The following ADAMTS18 variants were observed in gnomAD, a reference collection of about 807,000 sequenced individuals.
ADAMTS18 encodes A disintegrin and metalloproteinase with thrombospondin motifs 18.
In ADAMTS18, 157 loss-of-function variants were observed where a neutral mutation model predicts 165.9. That is an observed-to-expected ratio of 0.95 (90% CI 0.83 to 1.08). The LOEUF (loss-of-function observed/expected upper bound fraction) is 1.08. ADAMTS18 is among the 50% of genes least tolerant of loss of function. The probability of loss-of-function intolerance (pLI) is 0.00; values close to 1 mark genes in which losing one functional copy is unlikely to be tolerated. For missense variants in ADAMTS18, 2,040 were observed against 1,534.0 expected, an observed-to-expected ratio of 1.33 and a Z score of -5.51; for synonymous variants, 782 against 578.2, an observed-to-expected ratio of 1.35 and a Z score of -5.06.
At chr16:77,423,551 G>C (rs1042269184) in intron 3 of ADAMTS18, among the ~76,000 whole-genome samples, 1 of 151,870 alleles carries the variant, frequency 6.6e-6, no homozygotes, top group African/African-American at 2.4e-5. Context: ...CATTATCCTC[G>C]ACTTATCAAT....
intron 16 of ADAMTS18, among the ~76,000 whole-genome samples, chr16:77,315,166 T>A (rs777835457): frequency 4.7e-4 from 72 of 151,996 alleles, no homozygotes; most frequent in Admixed American, 7.9e-4. Context: ...TAAAAAAAAA[T>A]TTCTGTATCA....
intron 3 of ADAMTS18, among the ~76,000 whole-genome samples, chr16:77,382,961 T>C (rs13338254): frequency 0.32 from 48,095 of 152,152 alleles, 8,059 homozygotes; most frequent in East Asian, 0.58. Flanking sequence ...TGTGCTTTAA[T>C]GTGAATTTTG....
At chr16:77,393,282 A>C (rs2057213965) in intron 3 of ADAMTS18, among the ~76,000 whole-genome samples, 1 of 152,172 alleles carries the variant, frequency 6.6e-6, no homozygotes, top group African/African-American at 2.4e-5. Context: ...CATAGCCCTA[A>C]TACTGTGGTC....
At chr16:77,395,352 C>G (rs1450613667) in intron 3 of ADAMTS18, among the ~76,000 whole-genome samples, 1 of 152,166 alleles carries the variant, frequency 6.6e-6, no homozygotes, top group African/African-American at 2.4e-5. Flanking sequence ...ACTTGGCTTT[C>G]TACTCTGTGT....
intron 12 of ADAMTS18, among the ~76,000 whole-genome samples, chr16:77,327,203 T>A (rs1212466587): frequency 6.6e-6 from 1 of 152,174 alleles, no homozygotes; most frequent in African/African-American, 2.4e-5. Context: ...TAATTTTTGA[T>A]TTTTTTATTT....
At chr16:77,374,099 A>G (rs2056915975) in intron 3 of ADAMTS18, among the ~76,000 whole-genome samples, 1 of 151,630 alleles carries the variant, frequency 6.6e-6, no homozygotes, top group South Asian at 2.1e-4. Context: ...GGCACCTGTA[A>G]TCCCAGCTAC....
chr16:77,332,121 A>T (rs1414475361), intron 12 of ADAMTS18, among the ~76,000 whole-genome samples: 1 of 152,164 alleles, frequency 6.6e-6, no homozygotes, highest in African/African-American at 2.4e-5. Context: ...CAGGAAGACT[A>T]AGTTGTCTGT....
rs759218273 is a variant in ADAMTS18 at position 77,325,967 on chromosome 16, T to C, written c.1931A>G (p.Asn644Ser). The C allele has an allele frequency of 1.2e-6, 2 of 1,614,068 alleles. No homozygotes were observed. Among genetic ancestry groups the C allele is most frequent in the Non-Finnish European group, 1.7e-6 (2 of 1,179,944 alleles). Residue 644 changes from asparagine (N) to serine (S), a missense_variant, in exon 13 of 23, where the codon AAT becomes AGT. Transcript: ENST00000282849. ...IYQLCNINPC[N>S]ENSLDFRAQQ... is the part of the protein sequence containing the mutation. ...AGCCCGAAAATCCAAGCTATTTTCA[T>C]TGCAAGGGTTAATATTGCACAGCTG...
chr16:77,378,616 G>T (rs1330852807), intron 3 of ADAMTS18, among the ~76,000 whole-genome samples: 3 of 152,096 alleles, frequency 2.0e-5, no homozygotes, highest in Non-Finnish European at 1.5e-5. Flanking sequence ...TTGGGAGGTT[G>T]AGGCACAAGA....
chr16:77,429,998 G>A (rs558307012), intron 3 of ADAMTS18, among the ~76,000 whole-genome samples: 1 of 152,138 alleles, frequency 6.6e-6, no homozygotes, highest in Non-Finnish European at 1.5e-5. Context: ...TAGAACCTGG[G>A]CAGACTGCTT....
At position 77,394,825 on chromosome 16, in the gene ADAMTS18, G is replaced by A. The variant is rs915603003; in HGVS notation, c.496-27102C>T. On this transcript the variant is annotated intron_variant, in intron 3 of 22. Coordinates refer to ENST00000282849, the MANE Select transcript of ADAMTS18 (RefSeq NM_199355.4). ...TCATTAATTCATCAGGCTTGAGATG[G>A]TCCTTTAGCATCCGTGTTTTTACAA... is the stretch of plus-strand genomic sequence containing the variant. 2.0e-5 allele frequency among the ~76,000 whole-genome samples: 3 copies of A among 152,144 alleles called. No individual in the cohort carries two copies. In the South Asian group the frequency reaches 6.2e-4, roughly 32 times the overall value.
intron 10 of ADAMTS18, among the ~76,000 whole-genome samples, chr16:77,348,025 T>C (rs530859248): frequency 8.5e-5 from 13 of 152,188 alleles, no homozygotes; most frequent in Non-Finnish European, 1.5e-4. Context: ...GTTATTATTA[T>C]AGGATGGAAA....
chr16:77,323,557 CTT>C lies in ADAMTS18; in HGVS notation c.2033-1093_2033-1092del, dbSNP rs34433387. ...GAAATTAACAAGTTTTAGAAAGTTC[CTT>C]TTTTTTTTTTTTTAAAAGCACAGAT... On this transcript the variant is annotated intron_variant, in intron 13 of 22. Coordinates refer to ENST00000282849, the MANE Select transcript of ADAMTS18 (RefSeq NM_199355.4). 6.5e-3 allele frequency among the ~76,000 whole-genome samples: 920 copies of C among 141,014 alleles called. 5 individuals are homozygous for C. The highest frequency in any genetic ancestry group is 0.019 in the East Asian group (93 of 4,974). The allele number at this position is 141,014 out of a possible 152,430, so 92.5% of individuals were successfully genotyped here.
intron 16 of ADAMTS18, 47 bp from the exon 17 acceptor site, chr16:77,300,451 C>A: frequency 6.2e-7 from 1 of 1,603,760 alleles, no homozygotes; most frequent in Non-Finnish European, 8.5e-7. Context: ...CAGGTCAGAC[C>A]CTGGAATTCC....
intron 16 of ADAMTS18, among the ~76,000 whole-genome samples, chr16:77,314,612 C>CA (rs111779903): frequency 1.5e-4 from 13 of 87,316 alleles, no homozygotes; most frequent in Admixed American, 5.5e-4. Flanking sequence ...AACTCTGTCT[C>CA]AAAAAAAAAA....
chr16:77,411,188 C>T (rs969273125), intron 3 of ADAMTS18, among the ~76,000 whole-genome samples: 1 of 152,188 alleles, frequency 6.6e-6, no homozygotes, highest in African/African-American at 2.4e-5. Flanking sequence ...ACAGGGCATT[C>T]ATACTCGCTG....
intron 3 of ADAMTS18, among the ~76,000 whole-genome samples, chr16:77,368,400 C>T (rs1430032848): frequency 6.6e-6 from 1 of 151,314 alleles, no homozygotes; most frequent in Non-Finnish European, 1.5e-5. Flanking sequence ...TACCCCCACT[C>T]ATTCTCAAGT....
intron 3 of ADAMTS18, among the ~76,000 whole-genome samples, chr16:77,388,040 T>C (rs1267667938): frequency 1.3e-5 from 2 of 152,198 alleles, no homozygotes; most frequent in African/African-American, 4.8e-5. Flanking sequence ...CCTGTTTCTG[T>C]CTTTCTCTGG....
intron 16 of ADAMTS18, among the ~76,000 whole-genome samples, chr16:77,304,619 A>T (rs563763857): frequency 1.2e-3 from 189 of 152,368 alleles, no homozygotes; most frequent in African/African-American, 4.2e-3. Flanking sequence ...AGGTAAGACC[A>T]GCAATGATCA....
Sources: gnomAD v4.1 joint callset for allele counts (sites outside exome capture counted in the v4.1 genomes callset) on GRCh38, gnomAD v4.1.1 for gene constraint, MANE v1.5 for transcripts, NCBI Gene and HGNC (gene_info 2026-07-23, HGNC 2026-07-21) for gene names.